KMT2C: variants seen among roughly 807,000 people sequenced by gnomAD.
KMT2C encodes the protein histone-lysine N-methyltransferase 2C.
In KMT2C, 88 loss-of-function variants were observed where a neutral mutation model predicts 507.9. The observed-to-expected ratio is 0.17, with a 90% CI of 0.15 to 0.21. The LOEUF is 0.21. Ranked by LOEUF, KMT2C falls within the 10% of genes least tolerant of loss-of-function variation. The pLI is 1.00. For missense variants in KMT2C, 4,954 were observed against 5,957.8 expected, an observed-to-expected ratio of 0.83 and a Z score of 5.55; for synonymous variants, 2,049 against 2,080.8, an observed-to-expected ratio of 0.98 and a Z score of 0.42.
intron 1 of KMT2C, among the ~76,000 whole-genome samples, chr7:152,417,066 A>T (rs543468355): frequency 6.6e-6 from 1 of 151,340 alleles, no homozygotes; most frequent in African/African-American, 2.4e-5. Context: ...AAAAAAAAAA[A>T]AAGAGTTTAT....
At position 152,206,432 on chromosome 7, in the gene KMT2C, G is replaced by C. The variant is rs577020556; in HGVS notation, c.3841+868C>G. Among the ~76,000 whole-genome samples, 4 of 152,200 alleles carry C rather than the reference G, an allele frequency of 2.6e-5. No individual in the cohort carries two copies. In the East Asian group the frequency reaches 5.8e-4, roughly 22 times the overall value. ...CAACTAATCTTAGGTCCTTATTATA[G>C]ATATGACCTATTTAAAAGATAGGTT... On this transcript the variant is annotated intron_variant, in intron 24 of 58. Transcript: ENST00000262189.
intron 6 of KMT2C, among the ~76,000 whole-genome samples, chr7:152,289,632 CAACTT>C: frequency 6.6e-6 from 1 of 152,224 alleles, no homozygotes; most frequent in Admixed American, 6.5e-5. Flanking sequence ...TCAAGGAAAA[CAACTT>C]AGAACATGAG....
At position 152,435,965 on chromosome 7, in the gene KMT2C, G is replaced by C. The variant is rs1307130555; in HGVS notation, c.-179C>G. On this transcript the variant is annotated 5_prime_UTR_variant, in exon 1 of 59. Coordinates refer to ENST00000262189, the MANE Select transcript of KMT2C (RefSeq NM_170606.3). The stretch of plus-strand genomic sequence containing the variant: ...GAGAGGCGGCAACATGGAGCGAGCA[G>C]GACACGCACTCACACACATCGGCGC... 6.2e-6 allele frequency: 3 copies of C among 487,256 alleles called. No individual in the cohort carries two copies. The highest frequency in any genetic ancestry group is 3.8e-5 in the East Asian group (1 of 26,138). The allele number at this position is 487,256 out of a possible 1,614,324, so 30.2% of individuals were successfully genotyped here. A position where few individuals can be genotyped will look rare whatever the true frequency, so the allele number is the denominator to read the frequency against.
In KMT2C at chr7:152,435,757, C is replaced by G. The variant is rs1386734027; in HGVS notation, c.30G>C (p.Glu10Asp). 1 of 1,514,252 alleles carries G rather than the reference C, an allele frequency of 6.6e-7. No individual in the cohort carries two copies. The highest frequency in any genetic ancestry group is 8.9e-7 in the Non-Finnish European group (1 of 1,128,876). The allele number at this position is 1,514,252 out of a possible 1,614,324, so 93.8% of individuals were successfully genotyped here. Residue 10 changes from glutamate (E) to aspartate (D), a missense_variant, in exon 1 of 59, where the codon GAG becomes GAC. This residue lies in a region of KMT2C where 51 missense variants were observed against 43.5 expected (regional missense o/e 1.17). Coordinates refer to ENST00000262189, the MANE Select transcript of KMT2C (RefSeq NM_170606.3). ...GGGGTGGTGGCGGCGGCTGCGGCTG[C>G]TCCACGCTCTTGTCCTCCTCCGACG... Reference protein sequence around the residue: MSSEEDKSVEQPQPPPPPPE... With the variant: MSSEEDKSVDQPQPPPPPPE...
At chr7:152,394,543 C>G (rs1222033727) in intron 1 of KMT2C, among the ~76,000 whole-genome samples, 1 of 152,234 alleles carries the variant, frequency 6.6e-6, no homozygotes, top group Admixed American at 6.5e-5. Context: ...AACATCAGCT[C>G]ACTGAGGCCT....
At chr7:152,351,779 T>C (rs2097112761) in intron 2 of KMT2C, among the ~76,000 whole-genome samples, 1 of 152,172 alleles carries the variant, frequency 6.6e-6, no homozygotes, top group Non-Finnish European at 1.5e-5. Context: ...CCCCAATCAA[T>C]ACCCTTGTGA....
At chr7:152,201,591 TC>T (rs1412542867) in intron 26 of KMT2C, among the ~76,000 whole-genome samples, 7 of 91,498 alleles carry the variant, frequency 7.7e-5, no homozygotes, top group African/African-American at 1.3e-4. Flanking sequence ...GTAAAGGGAA[TC>T]CCAGGAGAAA....
chr7:152,148,433 G>C lies in KMT2C; in HGVS notation c.13494C>G (p.Asp4498Glu), dbSNP rs2091347089. The C allele has an allele frequency of 6.2e-7, 1 of 1,614,246 alleles. No individual in the cohort carries two copies. Among genetic ancestry groups the C allele is most frequent in the Non-Finnish European group, 8.5e-7 (1 of 1,180,052 alleles). The change falls in exon 52 of 59, where the codon GAC becomes GAG. Residue 4498 changes from aspartate to glutamate, a missense_variant. Physicochemically the swap from Asp to Glu is conservative, Grantham distance 45. Transcript: ENST00000262189. This position sits in a 1 kb window ranked among gnomAD's most constrained non-coding sequence, Gnocchi z 7.1. ...TGTGCATGGGGCAAAGCATAGTTTT[G>C]TCCTTAAAAAACATGCATTGTGCTT... ...AIKAQCMFFK[D>E]KTMLCPMHKP...
At chr7:152,334,088 C>T (rs1182680845) in intron 2 of KMT2C, among the ~76,000 whole-genome samples, 1 of 151,742 alleles carries the variant, frequency 6.6e-6, no homozygotes, top group African/African-American at 2.4e-5. Flanking sequence ...GAATCCCCCC[C>T]CAAAAAAAAA....
chr7:152,168,767 A>C (rs1211733752), intron 41 of KMT2C, among the ~76,000 whole-genome samples: 3 of 152,152 alleles, frequency 2.0e-5, no homozygotes, highest in Non-Finnish European at 2.9e-5. Context: ...TGCATACCTG[A>C]CCTTTACACC....
Position 152,176,413 on chromosome 7 carries a change from C to G in KMT2C, c.9040G>C (p.Gly3014Arg), listed in dbSNP as rs770550013. 3.1e-6 allele frequency: 5 copies of G among 1,614,116 alleles called. No individual in the cohort carries two copies. The South Asian group carries it at 5.5e-5, about 18-fold the overall frequency. The stretch of plus-strand genomic sequence containing the variant: ...GTACCAGACTGACTTGTTTGAGGCC[C>G]AGTTTGAGTTGCAGGTTTTCCTGTC... ...LGTGKPATQT[G>R]PQTSQSGTSS... Residue 3014 changes from glycine to arginine, a missense_variant, in exon 38 of 59, where the codon GGG (glycine) becomes CGG (arginine). Physicochemically the swap from Gly to Arg is moderately radical, Grantham distance 125. Around this residue, in one of 29 missense-constraint regions of KMT2C, gnomAD observed 1,689 missense variants for 1,654.3 expected, o/e 1.02. Coordinates refer to ENST00000262189, the MANE Select transcript of KMT2C (RefSeq NM_170606.3).
chr7:152,317,033 A>G (rs1165212542), intron 3 of KMT2C, among the ~76,000 whole-genome samples: 1 of 152,200 alleles, frequency 6.6e-6, no homozygotes, highest in African/African-American at 2.4e-5. Flanking sequence ...AATCAGATTG[A>G]CATTAGTCTT....
chr7:152,193,866 T>C, intron 31 of KMT2C, 143 bp downstream of exon 31: 1 of 580,328 alleles, frequency 1.7e-6, no homozygotes, highest in Non-Finnish European at 2.7e-6. Context: ...TATTTTTCAA[T>C]CATTACAAAA....
At chr7:152,381,690 T>C (rs1392084851) in intron 1 of KMT2C, among the ~76,000 whole-genome samples, 3 of 152,284 alleles carry the variant, frequency 2.0e-5, no homozygotes, top group Non-Finnish European at 2.9e-5. Context: ...CAAAAATGTA[T>C]AAGCTACATT....
At chr7:152,185,282 A>G (rs1420087052) in intron 34 of KMT2C, among the ~76,000 whole-genome samples, 1 of 152,228 alleles carries the variant, frequency 6.6e-6, no homozygotes, top group East Asian at 1.9e-4. Flanking sequence ...CTGAAGAGAT[A>G]AAACAATTTT....
intron 2 of KMT2C, among the ~76,000 whole-genome samples, chr7:152,346,746 CAT>C (rs1042013058): frequency 2.6e-5 from 4 of 152,162 alleles, no homozygotes; most frequent in Admixed American, 6.5e-5. Flanking sequence ...TTACCAATAA[CAT>C]AAACAGTAGA....
intron 3 of KMT2C, among the ~76,000 whole-genome samples, chr7:152,321,629 A>G (rs906085309): frequency 1.3e-5 from 2 of 152,044 alleles, no homozygotes; most frequent in Admixed American, 1.3e-4. Context: ...TACTAACAGC[A>G]AACGATCCTA....
intron 3 of KMT2C, among the ~76,000 whole-genome samples, chr7:152,328,545 G>A (rs2096851873): frequency 6.6e-6 from 1 of 152,162 alleles, no homozygotes; most frequent in South Asian, 2.1e-4. Context: ...GACATGGTAA[G>A]TACTTGAAAT....
chr7:152,253,009 C>A (rs2095585525), intron 9 of KMT2C, among the ~76,000 whole-genome samples: 1 of 151,968 alleles, frequency 6.6e-6, no homozygotes, highest in Admixed American at 6.6e-5. Context: ...TGTGTGCCAC[C>A]ACACCCAGCT....
Sources: allele counts gnomAD v4.1 joint callset (sites outside exome capture counted in the v4.1 genomes callset), GRCh38; gene constraint gnomAD v4.1.1; regional missense constraint gnomAD v4.1.1; non-coding constraint Gnocchi (gnomAD v3.1); transcripts MANE v1.5; gene names NCBI Gene and HGNC (gene_info 2026-07-23, HGNC 2026-07-21).